Variants in C11orf65 observed in about 807,000 individuals in gnomAD.
The protein encoded by C11orf65 is protein MFI.
In C11orf65, 38 loss-of-function variants were observed where a neutral mutation model predicts 35.3. The ratio of observed to expected loss-of-function variants is 1.08; its 90% CI spans 0.83 to 1.41. The LOEUF (loss-of-function observed/expected upper bound fraction) is 1.41, where lower values mean the gene tolerates loss of function less well. Among genes scored for constraint, C11orf65 ranks in the 40% most tolerant of loss-of-function variants. The probability of loss-of-function intolerance (pLI) is 0.00; values close to 1 mark genes in which losing one functional copy is unlikely to be tolerated. For missense variants in C11orf65, 370 were observed against 367.1 expected, an observed-to-expected ratio of 1.01 and a Z score of -0.06; for synonymous variants, 105 against 114.4, an observed-to-expected ratio of 0.92 and a Z score of 0.53.
intron 3 of C11orf65, among the ~76,000 whole-genome samples, chr11:108,427,447 C>A (rs533837989): frequency 0.038 from 6 of 156 alleles, no homozygotes; most frequent in East Asian, 0.33. Context: ...CTCGGCCGGG[C>A]GCGGGCTGAC....
intron 6 of C11orf65, among the ~76,000 whole-genome samples, chr11:108,325,059 A>C (rs911749802): frequency 2.6e-5 from 4 of 152,086 alleles, no homozygotes; most frequent in Middle Eastern, 3.2e-3. Flanking sequence ...CAGAGTATTA[A>C]AAATTTTTTT....
intron 2 of C11orf65, among the ~76,000 whole-genome samples, chr11:108,434,021 C>T (rs929710070): frequency 2.0e-5 from 3 of 152,078 alleles, no homozygotes; most frequent in African/African-American, 7.2e-5. Flanking sequence ...GCAGACTTCT[C>T]CAGATGGGCA....
intron 3 of C11orf65, among the ~76,000 whole-genome samples, chr11:108,430,153 G>C (rs1398891942): frequency 7.3e-6 from 1 of 136,386 alleles, no homozygotes; most frequent in Non-Finnish European, 1.5e-5. Flanking sequence ...TTTTGAGACA[G>C]AGTCTTGCTC....
chr11:108,447,525 T>C (rs2093280978), intron 2 of C11orf65, among the ~76,000 whole-genome samples: 3 of 152,142 alleles, frequency 2.0e-5, no homozygotes, highest in African/African-American at 7.2e-5. Flanking sequence ...AACCTGCTCC[T>C]GAATGACTAC....
intron 6 of C11orf65, chr11:108,326,035 C>G (rs2085642148): frequency 6.2e-7 from 1 of 1,611,458 alleles, no homozygotes; most frequent in Non-Finnish European, 8.5e-7. Context: ...AGTATTTATT[C>G]CCATATGTCA....
At chr11:108,422,400 A>T (rs1034806624) in intron 3 of C11orf65, among the ~76,000 whole-genome samples, 1 of 152,232 alleles carries the variant, frequency 6.6e-6, no homozygotes, top group African/African-American at 2.4e-5. Flanking sequence ...CTTCTCTACC[A>T]TTTAATAGGA....
At chr11:108,394,856 T>G (rs533276103) in intron 6 of C11orf65, among the ~76,000 whole-genome samples, 1 of 152,142 alleles carries the variant, frequency 6.6e-6, no homozygotes, top group Non-Finnish European at 1.5e-5. Context: ...CAGGGCCAGG[T>G]GTGGTAGCTC....
intron 3 of C11orf65, among the ~76,000 whole-genome samples, chr11:108,422,205 G>C (rs1262839716): frequency 6.6e-6 from 1 of 152,180 alleles, no homozygotes; most frequent in Non-Finnish European, 1.5e-5. Context: ...TGGGATTACA[G>C]GCGTGAGCCA....
chr11:108,407,290 A>C, intron 3 of C11orf65, 141 bp from the exon 4 acceptor site: 3 of 654,674 alleles, frequency 4.6e-6, no homozygotes, highest in Non-Finnish European at 7.1e-6. Context: ...ACCTCAAATA[A>C]TCAATTTTAA....
chr11:108,327,805 T>C (rs115307746), downstream of C11orf65: 214 of 1,342,704 alleles, frequency 1.6e-4, no homozygotes, highest in African/African-American at 1.7e-3. Flanking sequence ...AGCATGAATA[T>C]GCTTCATCTT....
At position 108,319,723 on chromosome 11, in the gene C11orf65, A is replaced by C. The variant is rs187019131; in HGVS notation, c.641-10652T>G. ...GGTATTTATTGAATAAATAAATGAA[A>C]GTAGAGCATATTTAGAACCAGGCAG... On this transcript the variant is annotated intron_variant, in intron 6 of 6. Transcript: ENST00000525729. 1.3e-4 allele frequency among the ~76,000 whole-genome samples: 20 copies of C among 152,360 alleles called. No homozygotes were observed. The East Asian group carries it at 3.5e-3, about 26-fold the overall frequency.
chr11:108,426,877 C>G (rs768453173), intron 3 of C11orf65, among the ~76,000 whole-genome samples: 1 of 152,082 alleles, frequency 6.6e-6, no homozygotes, highest in Non-Finnish European at 1.5e-5. Flanking sequence ...CTGACAAAAA[C>G]AAACACATCT....
At chr11:108,351,449 T>C (rs917337713) in intron 2 of C11orf65, among the ~76,000 whole-genome samples, 1 of 152,218 alleles carries the variant, frequency 6.6e-6, no homozygotes, top group African/African-American at 2.4e-5. Flanking sequence ...AATCACAATT[T>C]ATTTATTATT....
Position 108,345,736 on chromosome 11 carries a change from T to C in C11orf65, c.227-10444A>G, listed in dbSNP as rs1591263768. ...GAAAAATAATTATATATATTCTCTA[T>C]TTAAAGGAGGTGCAAAAAAAGTCTT... On this transcript the variant is annotated intron_variant, in intron 2 of 3. Transcript: ENST00000524755. 2 of 1,592,270 alleles carry C rather than the reference T, an allele frequency of 1.3e-6. No homozygotes were observed. The highest frequency in any genetic ancestry group is 1.7e-6 in the Non-Finnish European group (2 of 1,161,804).
rs1309164461 is a variant in C11orf65, at chr11:108,325,461, T to C, written c.641-16390A>G. 1 of 1,613,642 alleles carries C rather than the reference T, an allele frequency of 6.2e-7. No homozygotes were observed. The highest frequency in any genetic ancestry group is 8.5e-7 in the Non-Finnish European group (1 of 1,179,912). On this transcript the variant is annotated intron_variant, in intron 6 of 6. Transcript: ENST00000525729. ...CCTGATGGAAAAGGAAATGGACAAC[T>C]CACAAAGAGAATGTATTAAGGACAT...
chr11:108,418,748 C>A (rs2138855361), intron 3 of C11orf65, among the ~76,000 whole-genome samples: 1 of 151,836 alleles, frequency 6.6e-6, no homozygotes, highest in East Asian at 1.9e-4. Flanking sequence ...GTAATAAACT[C>A]CAAAGAGACT....
rs1032195040 is a variant in C11orf65, at chr11:108,382,794, T to C, written c.*227A>G. On this transcript the variant is annotated 3_prime_UTR_variant, in exon 9 of 9. Transcript: ENST00000393084. ...AGTCTCTTTACTTAAGTGTGACTGT[T>C]AGAATACTACAGTTTCTCAGAATAC... 3 of 983,928 alleles carry C rather than the reference T, an allele frequency of 3.0e-6. No homozygotes were observed. Among genetic ancestry groups the C allele is most frequent in the African/African-American group, 3.5e-5 (2 of 57,198 alleles). 60.9% of individuals were successfully genotyped at this position (983,928 alleles called of 1,614,324 possible). A position where few individuals can be genotyped will look rare whatever the true frequency, so the allele number is the denominator to read the frequency against.
chr11:108,332,091 A>G (rs2136534164), intron 3 of C11orf65: 1 of 1,594,544 alleles, frequency 6.3e-7, no homozygotes, highest in Middle Eastern at 1.7e-4. Flanking sequence ...AGTCTTTCCT[A>G]GAATATTTCT....
At chr11:108,327,611 C>G (rs771460194), downstream of C11orf65, 1 of 1,516,450 alleles carries the variant, frequency 6.6e-7, no homozygotes, top group South Asian at 1.1e-5. Context: ...CATGGTAATG[C>G]ATTATATTTT....
Sources: allele counts gnomAD v4.1 joint callset (sites outside exome capture counted in the v4.1 genomes callset), GRCh38; gene constraint gnomAD v4.1.1; transcripts MANE v1.5; gene names NCBI Gene and HGNC (gene_info 2026-07-23, HGNC 2026-07-21).